PLCL2: variants seen among roughly 807,000 people sequenced by gnomAD.
PLCL2 encodes inactive phospholipase C-like protein 2.
A neutral mutation model predicts 79.6 loss-of-function variants in PLCL2; 4 were observed. The ratio of observed to expected loss-of-function variants is 0.05; its 90% CI spans 0.02 to 0.11. The LOEUF (loss-of-function observed/expected upper bound fraction) is 0.11. Among genes scored for constraint, PLCL2 ranks in the 10% least tolerant of loss-of-function variants. The probability of loss-of-function intolerance (pLI) is 1.00; values close to 1 mark genes in which losing one functional copy is unlikely to be tolerated. For missense variants in PLCL2, 895 were observed against 1,291.0 expected, an observed-to-expected ratio of 0.69 and a Z score of 4.70; for synonymous variants, 484 against 457.7, an observed-to-expected ratio of 1.06 and a Z score of -0.73.
chr3:16,984,861 G>A lies in PLCL2; in HGVS notation c.328-24813G>A, dbSNP rs2064033083. ...GCAGGATAATGATGTGAACCTGGAA[G>A]GCGGAGCTTGCAGTGAGCCAAGATC... On this transcript the variant is annotated intron_variant, in intron 1 of 5. Coordinates refer to ENST00000615277, the MANE Select transcript of PLCL2 (RefSeq NM_001144382.2). Among the ~76,000 whole-genome samples the A allele has an allele frequency of 2.6e-5, 4 of 152,170 alleles. 2 individuals are homozygous for A. In the South Asian group the frequency reaches 8.3e-4, roughly 32 times the overall value.
chr3:17,014,638 C>T, intron 2 of PLCL2, 70 bp from the exon 3 acceptor site: 1 of 1,197,768 alleles, frequency 8.3e-7, no homozygotes, highest in Non-Finnish European at 1.2e-6. Flanking sequence ...TCAGATATAT[C>T]AAATATAATA....
intron 3 of PLCL2, among the ~76,000 whole-genome samples, chr3:17,017,515 A>G (rs1381025422): frequency 6.6e-6 from 1 of 152,084 alleles, no homozygotes; most frequent in African/African-American, 2.4e-5. Context: ...TTGATGGGAA[A>G]TGTACTAAAG....
chr3:16,969,839 T>C (rs1355754217), intron 1 of PLCL2, among the ~76,000 whole-genome samples: 1 of 151,920 alleles, frequency 6.6e-6, no homozygotes, highest in Non-Finnish European at 1.5e-5. Flanking sequence ...AGGTTGTTCA[T>C]TTGAGATCCT....
intron 1 of PLCL2, among the ~76,000 whole-genome samples, chr3:16,932,270 G>C (rs17200543): frequency 6.6e-6 from 1 of 152,062 alleles, no homozygotes; most frequent in Non-Finnish European, 1.5e-5. Context: ...GTTAGCATAC[G>C]CATTGTCTCA....
intron 1 of PLCL2, among the ~76,000 whole-genome samples, chr3:16,895,753 T>A (rs1157513491): frequency 6.6e-6 from 1 of 152,120 alleles, no homozygotes; most frequent in Non-Finnish European, 1.5e-5. Context: ...AGTGGAATCC[T>A]ATGAGGAAAA....
intron 3 of PLCL2, among the ~76,000 whole-genome samples, chr3:17,034,859 C>A (rs1038740188): frequency 1.3e-5 from 2 of 152,042 alleles, no homozygotes; most frequent in Non-Finnish European, 2.9e-5. Flanking sequence ...CACAGTTACT[C>A]AAGATCACCA....
At chr3:17,026,182 T>G (rs564869139) in intron 3 of PLCL2, among the ~76,000 whole-genome samples, 1 of 152,204 alleles carries the variant, frequency 6.6e-6, no homozygotes, top group African/African-American at 2.4e-5. Context: ...AATAATGGTT[T>G]TAAGCCTTTT....
chr3:17,068,627 CTTT>C (rs946133452), intron 5 of PLCL2, among the ~76,000 whole-genome samples: 3 of 152,072 alleles, frequency 2.0e-5, no homozygotes, highest in Non-Finnish European at 4.4e-5. Flanking sequence ...TAAAAATTAA[CTTT>C]TTATTTTTTA....
At chr3:16,995,585 C>T (rs2124998797) in intron 1 of PLCL2, among the ~76,000 whole-genome samples, 1 of 152,310 alleles carries the variant, frequency 6.6e-6, no homozygotes, top group South Asian at 2.1e-4. Flanking sequence ...GATTGGCTTT[C>T]TCTTCTCCAC....
intron 5 of PLCL2, among the ~76,000 whole-genome samples, chr3:17,069,713 A>G (rs1007638469): frequency 6.6e-6 from 1 of 152,150 alleles, no homozygotes; most frequent in Non-Finnish European, 1.5e-5. Context: ...TTCAGATTTG[A>G]TGTAATAAAA....
chr3:16,986,190 C>G (rs1236873719), intron 1 of PLCL2, among the ~76,000 whole-genome samples: 1 of 152,088 alleles, frequency 6.6e-6, no homozygotes, highest in African/African-American at 2.4e-5. Context: ...TTGTGGACAA[C>G]TTTCTTAGCC....
intron 4 of PLCL2, among the ~76,000 whole-genome samples, chr3:17,049,446 A>C (rs2064816064): frequency 6.6e-6 from 1 of 152,202 alleles, no homozygotes. Flanking sequence ...GACTCCACCA[A>C]AAATCTGTTA....
chr3:17,043,817 G>A (rs2064753365), intron 4 of PLCL2, among the ~76,000 whole-genome samples: 1 of 152,088 alleles, frequency 6.6e-6, no homozygotes, highest in South Asian at 2.1e-4. Flanking sequence ...TCATATTAGT[G>A]ACTAATCAAC....
chr3:16,955,703 T>G (rs1410063049), intron 1 of PLCL2, among the ~76,000 whole-genome samples: 1 of 152,216 alleles, frequency 6.6e-6, no homozygotes, highest in Non-Finnish European at 1.5e-5. Flanking sequence ...TTTTATTTCG[T>G]TGAGCAGTGG....
chr3:16,957,009 T>G (rs2063711981), intron 1 of PLCL2, among the ~76,000 whole-genome samples: 1 of 152,178 alleles, frequency 6.6e-6, no homozygotes, highest in Admixed American at 6.5e-5. Context: ...TTTGAAGGGT[T>G]TTTTGTGTCT....
chr3:16,972,721 C>G (rs2063886015), intron 1 of PLCL2, among the ~76,000 whole-genome samples: 1 of 152,146 alleles, frequency 6.6e-6, no homozygotes, highest in East Asian at 1.9e-4. Flanking sequence ...GAATTGTATC[C>G]TTTACCATTA....
At chr3:16,955,332 G>A (rs1373845849) in intron 1 of PLCL2, among the ~76,000 whole-genome samples, 2 of 152,116 alleles carry the variant, frequency 1.3e-5, no homozygotes, top group Admixed American at 6.6e-5. Context: ...AAGATCAGAT[G>A]GTTGTAGATG....
chr3:16,916,865 C>G (rs1336539260), intron 1 of PLCL2, among the ~76,000 whole-genome samples: 1 of 152,168 alleles, frequency 6.6e-6, no homozygotes, highest in Non-Finnish European at 1.5e-5. Flanking sequence ...TTCCTTCTCT[C>G]TTTTGTGATC....
chr3:17,024,509 G>C (rs2064492792), intron 3 of PLCL2, among the ~76,000 whole-genome samples: 3 of 152,092 alleles, frequency 2.0e-5, no homozygotes, highest in Admixed American at 2.0e-4. Context: ...CTTAAATTGT[G>C]TAATTATTTT....
Sources: allele counts gnomAD v4.1 joint callset (sites outside exome capture counted in the v4.1 genomes callset), GRCh38; gene constraint gnomAD v4.1.1; transcripts MANE v1.5; gene names NCBI Gene and HGNC (gene_info 2026-07-23, HGNC 2026-07-21).